KDM4B: variants seen among roughly 807,000 people sequenced by gnomAD.
KDM4B encodes the protein lysine demethylase 4B, also known as lysine-specific demethylase 4B.
A neutral mutation model predicts 125.2 loss-of-function variants in KDM4B; 32 were observed. The observed-to-expected ratio is 0.26, with a 90% confidence interval of 0.19 to 0.34. The LOEUF is 0.34. Among genes scored for constraint, KDM4B ranks in the 10% least tolerant of loss-of-function variants. The probability of loss-of-function intolerance (pLI) is 1.00; values close to 1 mark genes in which losing one functional copy is unlikely to be tolerated. For missense variants in KDM4B, 1,190 were observed against 1,577.7 expected (o/e 0.75, Z 4.16); for synonymous variants, 721 against 677.9 (o/e 1.06, Z -0.99).
rs1337769927 is a variant in KDM4B at position 5,119,157 on chromosome 19, TGAG to T, written c.1116-489_1116-487del. The stretch of plus-strand genomic sequence containing the variant: ...AAGAAAACAGACACTGGAGAAAGAC[TGAG>T]GAGGAGAGGAAACCAAGTCTAGAAA... On this transcript the variant is annotated intron_variant, in intron 10 of 22. Transcript: ENST00000159111. The T allele has an allele frequency of 1.4e-5, 21 of 1,535,006 alleles. No individual in the cohort carries two copies. The Admixed American group carries it at 1.4e-4, about 10-fold the overall frequency.
At chr19:5,090,389 T>TCC (rs1183557728) in intron 9 of KDM4B, among the ~76,000 whole-genome samples, 2 of 26,278 alleles carry the variant, frequency 7.6e-5, no homozygotes, top group Admixed American at 5.0e-4. Context: ...CCCATATCTC[T>TCC]CCCCCTCTCT....
intron 1 of KDM4B, among the ~76,000 whole-genome samples, chr19:5,013,129 T>A (rs755391727): frequency 1.3e-5 from 2 of 152,162 alleles, no homozygotes; most frequent in African/African-American, 2.4e-5. Flanking sequence ...GAAGGACCCG[T>A]GGTCTTGGTA....
In KDM4B at chr19:5,025,625, C is replaced by T. The variant is rs368924809; in HGVS notation, c.-25-7241C>T. On this transcript the variant is annotated intron_variant, in intron 2 of 22. Transcript: ENST00000159111. ...CTTCCAGCCCAGCCCCCAGGGCCCACCCTGGTCTAGCCTCGATCCTGCCGC... is the reference window on the plus strand; with the variant it reads ...CTTCCAGCCCAGCCCCCAGGGCCCATCCTGGTCTAGCCTCGATCCTGCCGC... Among the ~76,000 whole-genome samples the T allele has an allele frequency of 3.0e-4, 46 of 152,348 alleles. No individual in the cohort carries two copies. In the South Asian group the frequency reaches 8.5e-3, roughly 28 times the overall value.
intron 11 of KDM4B, among the ~76,000 whole-genome samples, chr19:5,130,259 T>C (rs965009850): frequency 6.8e-4 from 104 of 152,316 alleles, no homozygotes; most frequent in African/African-American, 2.4e-3. Context: ...CCCTCTGTCA[T>C]GTCCCACATC....
chr19:5,101,222 CAAAAA>C (rs751379008), intron 9 of KDM4B, among the ~76,000 whole-genome samples: 1 of 85,642 alleles, frequency 1.2e-5, no homozygotes, highest in Admixed American at 1.3e-4. Context: ...GACTCCGTCT[CAAAAA>C]AAAAAAAAAA....
Position 5,131,300 on chromosome 19 carries a change from C to G in KDM4B, c.1540C>G (p.Pro514Ala). The change falls in exon 12 of 23, where the codon CCC (proline) becomes GCC (alanine). Residue 514 changes from proline (P) to alanine (A), a missense_variant. Coordinates refer to ENST00000159111, the MANE Select transcript of KDM4B (RefSeq NM_015015.3). ...CCTTAATGTCGTGCCCCCTGAGGTG[C>G]CCAGTGAGGAGCTAGAGGCCAAGCC... ...APLNVVPPEV[P>A]SEELEAKPRP... 6.2e-7 allele frequency: 1 copy of G among 1,612,214 alleles called. No individual in the cohort carries two copies. Among genetic ancestry groups the G allele is most frequent in the Non-Finnish European group, 8.5e-7 (1 of 1,179,806 alleles).
chr19:5,023,758 A>ATTTTTT (rs148293792), intron 2 of KDM4B, among the ~76,000 whole-genome samples: 25 of 89,108 alleles, frequency 2.8e-4, no homozygotes, highest in Admixed American at 6.0e-4. Context: ...GTCTTTTTGA[A>ATTTTTT]TTTTTTTTTT....
At chr19:5,119,152 A>C (rs1568308823) in intron 10 of KDM4B, 9 of 1,535,100 alleles carry the variant, frequency 5.9e-6, no homozygotes, top group Non-Finnish European at 7.9e-6. Context: ...ACACTGGAGA[A>C]AGACTGAGGA....
intron 6 of KDM4B, among the ~76,000 whole-genome samples, chr19:5,057,044 G>GTT: frequency 7.2e-6 from 1 of 139,100 alleles, no homozygotes; most frequent in African/African-American, 3.0e-5. Flanking sequence ...GTGTGTGTGT[G>GTT]TGTGTGTGTG....
intron 15 of KDM4B, among the ~76,000 whole-genome samples, chr19:5,136,453 C>A (rs1568320442): frequency 6.6e-6 from 1 of 152,204 alleles, no homozygotes; most frequent in African/African-American, 2.4e-5. Flanking sequence ...TCGGTTTCCT[C>A]CTGGCGGTGG....
rs751552550 is a variant in KDM4B, at chr19:5,134,000, C to T, written c.2024C>T (p.Ala675Val). 1.2e-6 allele frequency: 2 copies of T among 1,611,868 alleles called. No homozygotes were observed. The highest frequency in any genetic ancestry group is 1.3e-5 in the African/African-American group (1 of 75,046). ...ASFQAERKFN[A>V]AAARTEPYCA... ...TTCCAGGCCGAGAGGAAGTTCAACG[C>T]AGCGGCTGCGCGCACGGAGCCCTAC... Residue 675 changes from alanine to valine, a missense_variant, in exon 14 of 23, where the codon GCA becomes GTA. Around this residue, in one of 7 missense-constraint regions of KDM4B, gnomAD observed 128 missense variants for 137.8 expected, o/e 0.93. Transcript: ENST00000159111.
chr19:5,128,810 C>A (rs2039492573), intron 11 of KDM4B, among the ~76,000 whole-genome samples: 1 of 151,310 alleles, frequency 6.6e-6, no homozygotes, highest in East Asian at 2.0e-4. Flanking sequence ...GTGTTTACCT[C>A]CCCTGGCCAG....
At chr19:5,041,537 C>T (rs561969628) in intron 5 of KDM4B, among the ~76,000 whole-genome samples, 8 of 152,236 alleles carry the variant, frequency 5.3e-5, no homozygotes, top group East Asian at 1.9e-4. Flanking sequence ...GTTACAAACA[C>T]GTGTACTTTC....
chr19:5,068,654 G>A (rs530327511), intron 6 of KDM4B, among the ~76,000 whole-genome samples: 4 of 152,344 alleles, frequency 2.6e-5, no homozygotes, highest in African/African-American at 9.6e-5. Flanking sequence ...GGGTTGTTCC[G>A]AGTGGCGGGA....
intron 1 of KDM4B, among the ~76,000 whole-genome samples, chr19:4,976,096 A>G (rs2145295564): frequency 6.6e-6 from 1 of 151,688 alleles, no homozygotes; most frequent in Admixed American, 6.5e-5. Context: ...CTAAAAATAC[A>G]AAATTAGTTG....
At chr19:4,994,659 A>G (rs1177711846) in intron 1 of KDM4B, among the ~76,000 whole-genome samples, 3 of 151,346 alleles carry the variant, frequency 2.0e-5, no homozygotes, top group Non-Finnish European at 2.9e-5. Context: ...CAGTCTGACA[A>G]TTTCTGTCTT....
At chr19:5,002,779 T>A (rs1450081070) in intron 1 of KDM4B, among the ~76,000 whole-genome samples, 1 of 151,424 alleles carries the variant, frequency 6.6e-6, no homozygotes, top group Non-Finnish European at 1.5e-5. Flanking sequence ...GAGACCCCCA[T>A]CTCTACAAAA....
rs1188733758 is a variant in KDM4B, at chr19:5,082,172, C to G, written c.781-195C>G. ...GCAGAGCTGTGGCTGCGGCTGCTCACTATGTCCTTCATGAGCCGCGTGGGA... is the reference window on the plus strand; with the variant it reads ...GCAGAGCTGTGGCTGCGGCTGCTCAGTATGTCCTTCATGAGCCGCGTGGGA... On this transcript the variant is annotated intron_variant, in intron 8 of 22. Transcript: ENST00000159111. This position sits in a 1 kb window ranked among gnomAD's most constrained non-coding sequence, Gnocchi z 5.4. Among the ~76,000 whole-genome samples the G allele has an allele frequency of 6.6e-6, 1 of 152,210 alleles. No homozygotes were observed.
chr19:5,047,144 A>C, intron 5 of KDM4B: 1 of 221,302 alleles, frequency 4.5e-6, no homozygotes, highest in African/African-American at 2.3e-5. Context: ...GAAAAAAGTA[A>C]AAATTAGCCA....
Sources: allele counts gnomAD v4.1 joint callset (sites outside exome capture counted in the v4.1 genomes callset), GRCh38; gene constraint gnomAD v4.1.1; regional missense constraint gnomAD v4.1.1; non-coding constraint Gnocchi (gnomAD v3.1); transcripts MANE v1.5; gene names NCBI Gene and HGNC (gene_info 2026-07-23, HGNC 2026-07-21).